Variants in KLF13 observed in about 807,000 individuals in gnomAD.
KLF13 encodes KLF transcription factor 13, also known as Krueppel-like factor 13.
KLF13 carries 8 observed loss-of-function variants against 16.7 expected under a neutral mutation model. The observed-to-expected ratio is 0.48, with a 90% CI of 0.28 to 0.87. KLF13 has a LOEUF of 0.87. Ranked by LOEUF, KLF13 falls within the 40% of genes least tolerant of loss-of-function variation. The probability of loss-of-function intolerance (pLI) is 0.10; values close to 1 mark genes in which losing one functional copy is unlikely to be tolerated. For synonymous variants in KLF13, 245 were observed against 208.4 expected (o/e 1.18, Z -1.51); for missense variants, 447 against 452.2 (o/e 0.99, Z 0.10).
chr15:31,336,694 C>T (rs532600831), intron 1 of KLF13, among the ~76,000 whole-genome samples: 17 of 152,244 alleles, frequency 1.1e-4, no homozygotes, highest in African/African-American at 4.1e-4. Context: ...GGAAATAGAG[C>T]GAAGGCGTAT....
intron 1 of KLF13, chr15:31,420,409 C>A: frequency 8.9e-7 from 1 of 1,127,468 alleles, no homozygotes; most frequent in Non-Finnish European, 1.3e-6. Flanking sequence ...ACAATGAGCC[C>A]ACAGTGAAGT....
intron 1 of KLF13, among the ~76,000 whole-genome samples, chr15:31,345,905 G>C (rs1028955442): frequency 2.0e-5 from 3 of 152,154 alleles, no homozygotes; most frequent in African/African-American, 7.2e-5. Flanking sequence ...CTCACCCCTG[G>C]TTGTCTCTGT....
upstream of KLF13, among the ~76,000 whole-genome samples, chr15:31,390,474 A>G (rs1246912437): frequency 6.6e-6 from 1 of 152,188 alleles, no homozygotes; most frequent in East Asian, 1.9e-4. Flanking sequence ...ATTGCTACTG[A>G]TGGGGATCTG....
At chr15:31,371,118 C>G (rs990130566) in intron 1 of KLF13, among the ~76,000 whole-genome samples, 1 of 152,088 alleles carries the variant, frequency 6.6e-6, no homozygotes, top group Admixed American at 6.5e-5. Flanking sequence ...GGTGCCAGAG[C>G]CCCCCACCCT....
chr15:31,351,664 G>A (rs556477463), intron 1 of KLF13, among the ~76,000 whole-genome samples: 31 of 152,332 alleles, frequency 2.0e-4, no homozygotes, highest in African/African-American at 6.7e-4. Context: ...GCATGAGAGC[G>A]CCCAGGTATG....
intron 1 of KLF13, among the ~76,000 whole-genome samples, chr15:31,425,148 C>T (rs146210153): frequency 6.6e-6 from 1 of 152,016 alleles, no homozygotes; most frequent in Non-Finnish European, 1.5e-5. Context: ...GATATAAATG[C>T]ATGTAAAGAT....
At chr15:31,420,695 C>CT (rs1165661443) in intron 1 of KLF13, 15,152 of 263,668 alleles carry the variant, frequency 0.057, 20 homozygotes, top group South Asian at 0.095. Context: ...TTTTTTCTTT[C>CT]TTTTTTTTTT....
intron 2 of KLF13, among the ~76,000 whole-genome samples, chr15:31,397,876 G>GT (rs112300555): frequency 2.7e-5 from 4 of 149,522 alleles, no homozygotes; most frequent in South Asian, 4.2e-4. Context: ...GGTGGCGGCG[G>GT]GGGGGGTGGT....
chr15:31,430,320 GA>G (rs748358581), intron 1 of KLF13, among the ~76,000 whole-genome samples: 1 of 151,926 alleles, frequency 6.6e-6, no homozygotes, highest in South Asian at 2.1e-4. Flanking sequence ...AGTAAAAGGG[GA>G]AAAAATGGGT....
intron 1 of KLF13, chr15:31,339,816 G>A (rs910653018): frequency 1.9e-5 from 12 of 630,316 alleles, no homozygotes; most frequent in Non-Finnish European, 3.2e-5. Context: ...ATGTCCTCCC[G>A]CCCCCCGCCT....
At chr15:31,418,700 A>T (rs138662184) in intron 1 of KLF13, among the ~76,000 whole-genome samples, 1 of 152,118 alleles carries the variant, frequency 6.6e-6, no homozygotes, top group African/African-American at 2.4e-5. Context: ...CAGTAAGAAA[A>T]TTTTTTCTAC....
chr15:31,392,456 C>T (rs150405482), upstream of KLF13, among the ~76,000 whole-genome samples: 189 of 152,296 alleles, frequency 1.2e-3, no homozygotes, highest in African/African-American at 4.1e-3. Context: ...TGGCCCCGCC[C>T]TGCTCTCCCA....
intron 1 of KLF13, among the ~76,000 whole-genome samples, chr15:31,383,881 A>T (rs183329763): frequency 6.6e-6 from 1 of 151,980 alleles, no homozygotes; most frequent in Admixed American, 6.6e-5. Flanking sequence ...CAGCCTGGGC[A>T]ACAGAGCGAG....
intron 1 of KLF13, among the ~76,000 whole-genome samples, chr15:31,351,047 A>G (rs2039207841): frequency 6.6e-6 from 1 of 152,116 alleles, no homozygotes. Context: ...ACCCAAATCC[A>G]CCATCCCTGG....
chr15:31,406,759 GGTT>G (rs1423166949), downstream of KLF13, among the ~76,000 whole-genome samples: 1 of 152,104 alleles, frequency 6.6e-6, no homozygotes, highest in Non-Finnish European at 1.5e-5. Context: ...TGCATTCTTT[GGTT>G]TGTAGACCTA....
downstream of KLF13, among the ~76,000 whole-genome samples, chr15:31,405,176 T>C (rs1488348021): frequency 1.3e-5 from 2 of 152,004 alleles, no homozygotes; most frequent in Non-Finnish European, 2.9e-5. Flanking sequence ...AGAGCCTGCG[T>C]AGTGGTGTGC....
rs542600942 is a variant in KLF13 at position 31,329,855 on chromosome 15, G to A, written c.577+2066G>A. The stretch of plus-strand genomic sequence containing the variant: ...CCAAGTTGGAAGTGCACAGGGCTCC[G>A]GCAGCGGGGTGGCGGGGAGTTGGGA... On this transcript the variant is annotated intron_variant, in intron 1 of 1. Transcript: ENST00000307145. 9.2e-5 allele frequency among the ~76,000 whole-genome samples: 14 copies of A among 152,304 alleles called. No individual in the cohort carries two copies. The East Asian group carries it at 1.7e-3, about 19-fold the overall frequency.
In KLF13 at chr15:31,374,676, C is replaced by T. The variant is rs1361371057; in HGVS notation, c.*2377C>T. On this transcript the variant is annotated 3_prime_UTR_variant, in exon 2 of 2. Coordinates refer to ENST00000307145, the MANE Select transcript of KLF13 (RefSeq NM_015995.4). Reference sequence around the variant, plus strand: ...GGCAGGGAGAGGGAGTGGCCCGTCCCTGGGAGGCTGGCAAAGTGCTCTCCA... The same window carrying T: ...GGCAGGGAGAGGGAGTGGCCCGTCCTTGGGAGGCTGGCAAAGTGCTCTCCA... 6.6e-6 allele frequency: 1 copy of T among 152,398 alleles called. No individual in the cohort carries two copies. Among genetic ancestry groups the T allele is most frequent in the African/African-American group, 2.4e-5 (1 of 41,416 alleles). 9.4% of individuals were successfully genotyped at this position (152,398 alleles called of 1,614,324 possible).
At chr15:31,334,429 T>G (rs905503820) in intron 1 of KLF13, among the ~76,000 whole-genome samples, 1 of 151,892 alleles carries the variant, frequency 6.6e-6, no homozygotes, top group African/African-American at 2.4e-5. Flanking sequence ...CTTTTCTTTC[T>G]TTCTTTTTTT....
Sources: gnomAD v4.1 joint callset for allele counts (sites outside exome capture counted in the v4.1 genomes callset) on GRCh38, gnomAD v4.1.1 for gene constraint, MANE v1.5 for transcripts, NCBI Gene and HGNC (gene_info 2026-07-23, HGNC 2026-07-21) for gene names.